ST6GALNAC3: variants seen among roughly 807,000 people sequenced by gnomAD.
ST6GALNAC3 encodes the protein alpha-N-acetylgalactosaminide alpha-2,6-sialyltransferase 3.
In ST6GALNAC3, 25 loss-of-function variants were observed where a neutral mutation model predicts 32.7. That is an observed-to-expected ratio of 0.76 (90% CI 0.56 to 1.07). The LOEUF (loss-of-function observed/expected upper bound fraction) is 1.07, where lower values mean the gene tolerates loss of function less well. ST6GALNAC3 is among the 50% of genes least tolerant of loss of function. ST6GALNAC3 has a pLI of 0.00. For synonymous variants in ST6GALNAC3, 129 were observed against 133.1 expected, an observed-to-expected ratio of 0.97 and a Z score of 0.21; for missense variants, 355 against 382.4, an observed-to-expected ratio of 0.93 and a Z score of 0.60.
At chr1:76,323,055 G>A (rs1646999762) in intron 2 of ST6GALNAC3, among the ~76,000 whole-genome samples, 1 of 152,144 alleles carries the variant, frequency 6.6e-6, no homozygotes, top group Non-Finnish European at 1.5e-5. Context: ...ATACCCTGCT[G>A]TGGTGTTTCA....
At chr1:76,295,385 A>G (rs1660341100) in intron 1 of ST6GALNAC3, among the ~76,000 whole-genome samples, 1 of 152,094 alleles carries the variant, frequency 6.6e-6, no homozygotes, top group African/African-American at 2.4e-5. Flanking sequence ...TGCATTTGGT[A>G]AAAGGCAGGG....
At chr1:76,358,105 C>T (rs563395667) in intron 2 of ST6GALNAC3, among the ~76,000 whole-genome samples, 3 of 152,216 alleles carry the variant, frequency 2.0e-5, no homozygotes, top group South Asian at 4.1e-4. Context: ...GGGTATGTCT[C>T]GAATCTCTCC....
intron 3 of ST6GALNAC3, among the ~76,000 whole-genome samples, chr1:76,593,619 C>T (rs187317066): frequency 8.5e-5 from 13 of 152,270 alleles, no homozygotes; most frequent in East Asian, 1.9e-4. Context: ...GTACCACACC[C>T]GATCAAGAGT....
At chr1:76,339,277 G>A (rs1372590681) in intron 2 of ST6GALNAC3, among the ~76,000 whole-genome samples, 2 of 152,136 alleles carry the variant, frequency 1.3e-5, no homozygotes, top group African/African-American at 2.4e-5. Flanking sequence ...CTTGTAAGTA[G>A]AAGATGAAGA....
chr1:76,405,384 G>C (rs527273519), intron 2 of ST6GALNAC3, among the ~76,000 whole-genome samples: 2 of 151,990 alleles, frequency 1.3e-5, no homozygotes, highest in Non-Finnish European at 2.9e-5. Context: ...AGAGAAAAAA[G>C]TAAAGGTTAA....
chr1:76,436,223 T>A (rs769126733), intron 3 of ST6GALNAC3, among the ~76,000 whole-genome samples: 39 of 152,162 alleles, frequency 2.6e-4, no homozygotes, highest in Non-Finnish European at 4.4e-4. Context: ...TCACTTAAGC[T>A]CAAATTGCTA....
chr1:76,530,051 G>A (rs1663159258), intron 3 of ST6GALNAC3, among the ~76,000 whole-genome samples: 1 of 152,200 alleles, frequency 6.6e-6, no homozygotes, highest in African/African-American at 2.4e-5. Flanking sequence ...TAGGATTCAT[G>A]TATAACTTTT....
At chr1:76,463,331 G>C (rs774742282) in intron 3 of ST6GALNAC3, among the ~76,000 whole-genome samples, 6 of 152,134 alleles carry the variant, frequency 3.9e-5, no homozygotes, top group Non-Finnish European at 7.4e-5. Context: ...ACTTCAACTT[G>C]CTGTGAAGGA....
chr1:76,432,357 T>C (rs1402993135), intron 3 of ST6GALNAC3, among the ~76,000 whole-genome samples: 1 of 152,064 alleles, frequency 6.6e-6, no homozygotes, highest in Non-Finnish European at 1.5e-5. Flanking sequence ...GCATGTAAAT[T>C]TTCAACTTGT....
intron 1 of ST6GALNAC3, among the ~76,000 whole-genome samples, chr1:76,272,497 A>G (rs1658907188): frequency 6.6e-6 from 1 of 152,170 alleles, no homozygotes; most frequent in Non-Finnish European, 1.5e-5. Flanking sequence ...TAGAGGCAGA[A>G]TCAGAATCGA....
At chr1:76,390,790 G>T (rs1200580372) in intron 2 of ST6GALNAC3, among the ~76,000 whole-genome samples, 2 of 151,720 alleles carry the variant, frequency 1.3e-5, no homozygotes, top group Non-Finnish European at 2.9e-5. Context: ...ACAAGAAGAG[G>T]TTGAACCTGT....
intron 3 of ST6GALNAC3, among the ~76,000 whole-genome samples, chr1:76,544,850 G>T (rs760972050): frequency 2.0e-5 from 3 of 152,144 alleles, no homozygotes; most frequent in Non-Finnish European, 4.4e-5. Context: ...ATATTTTTGA[G>T]GCCTGATACA....
chr1:76,313,651 A>C (rs1200455658), intron 1 of ST6GALNAC3, 154 bp from the exon 2 acceptor site: 1 of 901,258 alleles, frequency 1.1e-6, no homozygotes, highest in East Asian at 2.5e-5. Context: ...TTGGTCACCA[A>C]ATAATTATTT....
intron 2 of ST6GALNAC3, among the ~76,000 whole-genome samples, chr1:76,360,202 C>A (rs1277640898): frequency 6.6e-6 from 1 of 152,104 alleles, no homozygotes; most frequent in East Asian, 1.9e-4. Context: ...GAAAACCTAC[C>A]CTTGTGAGGT....
At position 76,630,517 on chromosome 1, in the gene ST6GALNAC3, T is replaced by C; in HGVS notation, c.*1711T>C. The C allele has an allele frequency of 2.0e-6, 2 of 985,286 alleles. No homozygotes were observed. The highest frequency in any genetic ancestry group is 2.4e-6 in the Non-Finnish European group (2 of 829,856). 61.0% of individuals were successfully genotyped at this position (985,286 alleles called of 1,614,324 possible). ...GTAGCTGAGAATTCAAAAACATCCT[T>C]GCAGAATGATTCAAAAGACAAAAGC... On this transcript the variant is annotated 3_prime_UTR_variant, in exon 5 of 5. Transcript: ENST00000328299.
At chr1:76,462,959 A>C (rs1010117004) in intron 3 of ST6GALNAC3, among the ~76,000 whole-genome samples, 2 of 152,164 alleles carry the variant, frequency 1.3e-5, no homozygotes, top group Non-Finnish European at 2.9e-5. Context: ...CACTGTCCTA[A>C]ATGACGTCCC....
At position 76,384,460 on chromosome 1, in the gene ST6GALNAC3, C is replaced by A. The variant is rs539637382; in HGVS notation, c.214-27548C>A. ...AGTTGGTGGTTTTAATACCCTTTTC[C>A]TTCTTTAACTATCAGCATTAGCCAA... On this transcript the variant is annotated intron_variant, in intron 2 of 4. Coordinates refer to ENST00000328299, the MANE Select transcript of ST6GALNAC3 (RefSeq NM_152996.4). Among the ~76,000 whole-genome samples, 3 of 152,170 alleles carry A rather than the reference C, an allele frequency of 2.0e-5. No individual in the cohort carries two copies. The South Asian group carries it at 6.2e-4, about 32-fold the overall frequency.
chr1:76,590,492 C>A (rs1477783358), intron 3 of ST6GALNAC3, among the ~76,000 whole-genome samples: 1 of 152,210 alleles, frequency 6.6e-6, no homozygotes, highest in Non-Finnish European at 1.5e-5. Flanking sequence ...AGACTCCAAG[C>A]ACCCACATGG....
At chr1:76,350,119 G>T (rs890390351) in intron 2 of ST6GALNAC3, among the ~76,000 whole-genome samples, 4 of 151,496 alleles carry the variant, frequency 2.6e-5, no homozygotes, top group East Asian at 1.9e-4. Context: ...ATTTCTGTTG[G>T]TTTTTTTTCA....
Sources: gnomAD v4.1 joint callset for allele counts (sites outside exome capture counted in the v4.1 genomes callset) on GRCh38, gnomAD v4.1.1 for gene constraint, MANE v1.5 for transcripts, NCBI Gene and HGNC (gene_info 2026-07-23, HGNC 2026-07-21) for gene names.